SPAG16: variants seen among roughly 807,000 people sequenced by gnomAD.
SPAG16 encodes the protein sperm-associated antigen 16 protein.
A neutral mutation model predicts 80.4 loss-of-function variants in SPAG16; 86 were observed. The observed-to-expected ratio is 1.07, with a 90% CI of 0.90 to 1.28. The LOEUF is 1.28. Ranked by LOEUF, SPAG16 falls within the 50% of genes most tolerant of loss-of-function variation. The probability of loss-of-function intolerance (pLI) is 0.00; values close to 1 mark genes in which losing one functional copy is unlikely to be tolerated. For synonymous variants in SPAG16, 294 were observed against 265.9 expected, an observed-to-expected ratio of 1.11 and a Z score of -1.03; for missense variants, 870 against 765.3, an observed-to-expected ratio of 1.14 and a Z score of -1.61.
chr2:214,349,437 T>C (rs576073445), intron 15 of SPAG16, among the ~76,000 whole-genome samples: 8 of 152,356 alleles, frequency 5.3e-5, no homozygotes, highest in African/African-American at 1.9e-4. Context: ...TTCTTGTCAT[T>C]GGTGAGTTTA....
chr2:213,435,770 A>T (rs1342742842), intron 9 of SPAG16, among the ~76,000 whole-genome samples: 12 of 152,178 alleles, frequency 7.9e-5, no homozygotes. Flanking sequence ...TACTATAGCA[A>T]ATTATCAGTT....
intron 10 of SPAG16, among the ~76,000 whole-genome samples, chr2:213,639,457 G>A (rs2062502111): frequency 6.6e-6 from 1 of 152,066 alleles, no homozygotes; most frequent in Admixed American, 6.6e-5. Flanking sequence ...AATTCTCTCA[G>A]CATTTGTTTG....
At position 213,869,325 on chromosome 2, in the gene SPAG16, CAT is replaced by C. The variant is rs574686260; in HGVS notation, c.1214+6698_1214+6699del. Reference sequence around the variant, plus strand: ...TATATATAATATGTATACACACACACATGCAAAACTTTTTATTTGGTGTAAGC... The same window carrying C: ...TATATATAATATGTATACACACACACGCAAAACTTTTTATTTGGTGTAAGC... On this transcript the variant is annotated intron_variant, in intron 11 of 15. Transcript: ENST00000331683. Among the ~76,000 whole-genome samples the C allele has an allele frequency of 6.0e-3, 643 of 107,262 alleles. 4 individuals are homozygous for C. The highest frequency in any genetic ancestry group is 0.017 in the African/African-American group (573 of 34,658). The allele number at this position is 107,262 out of a possible 152,430, so 70.4% of individuals were successfully genotyped here.
intron 12 of SPAG16, among the ~76,000 whole-genome samples, chr2:213,931,328 C>A (rs1357532246): frequency 1.3e-5 from 2 of 152,046 alleles, no homozygotes; most frequent in Non-Finnish European, 2.9e-5. Flanking sequence ...ATATTTTAGA[C>A]CTATGTCTAT....
rs561928692 is a variant in SPAG16, at chr2:213,520,059, TAGAG to T, written c.1070+29972_1070+29975del. On this transcript the variant is annotated intron_variant, in intron 10 of 15. Transcript: ENST00000331683. ...CACACACACGAGAGAGAGAGAGAAA[TAGAG>T]AGGAGAGAGAGAGAGCAAGAGCAAG... Among the ~76,000 whole-genome samples the T allele has an allele frequency of 5.6e-4, 76 of 135,976 alleles. 1 individual carries two copies. The South Asian group carries it at 0.013, about 23-fold the overall frequency. The allele number at this position is 135,976 out of a possible 152,430, so 89.2% of individuals were successfully genotyped here. A position where few individuals can be genotyped will look rare whatever the true frequency, so the allele number is the denominator to read the frequency against.
chr2:213,701,354 A>G (rs561229280), intron 10 of SPAG16, among the ~76,000 whole-genome samples: 3 of 152,252 alleles, frequency 2.0e-5, no homozygotes, highest in Admixed American at 1.3e-4. Flanking sequence ...ATAGCATTTA[A>G]TAACAATTAC....
chr2:213,855,131 A>T (rs1417788760), intron 10 of SPAG16, among the ~76,000 whole-genome samples: 1 of 152,250 alleles, frequency 6.6e-6, no homozygotes, highest in African/African-American at 2.4e-5. Context: ...GACAATTTTC[A>T]GAAAATAGCA....
intron 10 of SPAG16, among the ~76,000 whole-genome samples, chr2:213,546,969 T>C (rs184673429): frequency 8.5e-5 from 13 of 152,298 alleles, no homozygotes; most frequent in Non-Finnish European, 1.6e-4. Flanking sequence ...ATTCCTTTGT[T>C]TATGTAGCTA....
At chr2:213,794,063 T>A (rs80346529) in intron 10 of SPAG16, among the ~76,000 whole-genome samples, 1 of 152,158 alleles carries the variant, frequency 6.6e-6, no homozygotes, top group Non-Finnish European at 1.5e-5. Context: ...TTACAAAGTA[T>A]AATAAAGACT....
chr2:213,632,956 GT>G (rs1275806043), intron 10 of SPAG16, among the ~76,000 whole-genome samples: 1 of 152,064 alleles, frequency 6.6e-6, no homozygotes, highest in Non-Finnish European at 1.5e-5. Context: ...TCTTTGTCTG[GT>G]TTTGGCATCA....
chr2:213,285,411 A>G (rs1190175194), intron 1 of SPAG16, among the ~76,000 whole-genome samples: 1 of 152,148 alleles, frequency 6.6e-6, no homozygotes, highest in Non-Finnish European at 1.5e-5. Flanking sequence ...GGAGACGGGG[A>G]GGGTTCATGA....
chr2:213,669,909 T>C (rs572270138), intron 10 of SPAG16, among the ~76,000 whole-genome samples: 1 of 152,328 alleles, frequency 6.6e-6, no homozygotes, highest in Admixed American at 6.5e-5. Context: ...ACATCTAGTA[T>C]TTTGCTGCTT....
intron 14 of SPAG16, among the ~76,000 whole-genome samples, chr2:214,109,522 TAGTCAAAATTC>T (rs1190512738): frequency 6.6e-6 from 1 of 152,196 alleles, no homozygotes; most frequent in East Asian, 1.9e-4. Flanking sequence ...AATGATAGCA[TAGTCAAAATTC>T]TGTTACCATC....
At chr2:213,682,800 A>G (rs1381367048) in intron 10 of SPAG16, among the ~76,000 whole-genome samples, 1 of 152,146 alleles carries the variant, frequency 6.6e-6, no homozygotes, top group Non-Finnish European at 1.5e-5. Context: ...TGCTGACATT[A>G]GTCATTAGGC....
chr2:214,282,641 A>AT (rs1693040510), intron 15 of SPAG16, among the ~76,000 whole-genome samples: 1 of 152,072 alleles, frequency 6.6e-6, no homozygotes, highest in East Asian at 1.9e-4. Context: ...TTTTTGATTA[A>AT]TTTTTTTCTA....
At chr2:213,704,981 A>G (rs114336066) in intron 10 of SPAG16, among the ~76,000 whole-genome samples, 10,109 of 152,242 alleles carry the variant, frequency 0.066, 1,027 homozygotes, top group African/African-American at 0.22. Context: ...GGCTAGGCGC[A>G]TGGGCTTGCG....
At chr2:213,810,107 A>G (rs1227548147) in intron 10 of SPAG16, among the ~76,000 whole-genome samples, 1 of 152,170 alleles carries the variant, frequency 6.6e-6, no homozygotes, top group Non-Finnish European at 1.5e-5. Flanking sequence ...GAAGAGTAAG[A>G]GAGAAGGATA....
At chr2:213,595,601 T>C (rs1158555168) in intron 10 of SPAG16, among the ~76,000 whole-genome samples, 1 of 152,100 alleles carries the variant, frequency 6.6e-6, no homozygotes, top group Non-Finnish European at 1.5e-5. Context: ...AACATAAATA[T>C]CTTTGCGTAC....
intron 15 of SPAG16, among the ~76,000 whole-genome samples, chr2:214,305,636 TC>T (rs1364509824): frequency 6.6e-5 from 10 of 152,206 alleles, no homozygotes; most frequent in Non-Finnish European, 1.2e-4. Flanking sequence ...GGAAACCTTT[TC>T]CTTATTGCTT....
Sources: gnomAD v4.1 joint callset for allele counts (sites outside exome capture counted in the v4.1 genomes callset) on GRCh38, gnomAD v4.1.1 for gene constraint, MANE v1.5 for transcripts, NCBI Gene and HGNC (gene_info 2026-07-23, HGNC 2026-07-21) for gene names.